The following KCNQ1 variants were observed in gnomAD, a reference collection of about 807,000 sequenced individuals.
KCNQ1 encodes the protein potassium voltage-gated channel subfamily KQT member 1.
Under a neutral mutation model 72.4 loss-of-function variants are expected in KCNQ1, and 49 were observed. That is an observed-to-expected ratio of 0.68 (90% CI 0.54 to 0.86). The LOEUF (loss-of-function observed/expected upper bound fraction) is 0.86, where lower values mean the gene tolerates loss of function less well. Among genes scored for constraint, KCNQ1 ranks in the 40% least tolerant of loss-of-function variants. KCNQ1 has a pLI of 0.00. For synonymous variants in KCNQ1, 450 were observed against 412.6 expected, an observed-to-expected ratio of 1.09 and a Z score of -1.10; for missense variants, 790 against 945.1, an observed-to-expected ratio of 0.84 and a Z score of 2.15.
Position 2,827,231 on chromosome 11 carries a change from G to A in KCNQ1, c.1795-20536G>A, listed in dbSNP as rs779596905. On this transcript the variant is annotated intron_variant, in intron 15 of 15. Transcript: ENST00000155840. This position sits in a 1 kb window ranked among gnomAD's most constrained non-coding sequence, Gnocchi z 6.7. ...CTGCTGCTGAGACAGTGACCCTGGG[G>A]ACAGCCCAAATAAGAGAGAACTTTG... Among the ~76,000 whole-genome samples the A allele has an allele frequency of 6.6e-6, 1 of 152,166 alleles. No individual in the cohort carries two copies. The highest frequency in any genetic ancestry group is 2.4e-5 in the African/African-American group (1 of 41,426).
Position 2,690,111 on chromosome 11 carries a change from AG to A in KCNQ1, c.1514+28031del. On this transcript the variant is annotated intron_variant, in intron 11 of 15. Transcript: ENST00000155840. This position sits in a 1 kb window ranked among gnomAD's most constrained non-coding sequence, Gnocchi z 5.1. Reference sequence around the variant, plus strand: ...CAGGGACAATCGCTCTTCCGGGGTTAGAACTGGGGGAGCAGGGACAAAAAGC... The same window carrying A: ...CAGGGACAATCGCTCTTCCGGGGTTAAACTGGGGGAGCAGGGACAAAAAGC... 2 of 399,008 alleles carry A rather than the reference AG, an allele frequency of 5.0e-6. No homozygotes were observed. Among genetic ancestry groups the A allele is most frequent in the Non-Finnish European group, 8.8e-6 (2 of 226,364 alleles). The allele number at this position is 399,008 out of a possible 1,614,324, so 24.7% of individuals were successfully genotyped here. A position where few individuals can be genotyped will look rare whatever the true frequency, so the allele number is the denominator to read the frequency against.
chr11:2,611,743 A>G lies in KCNQ1; in HGVS notation c.1393+22889A>G, dbSNP rs1589980856. 6 of 398,428 alleles carry G rather than the reference A, an allele frequency of 1.5e-5. No homozygotes were observed. The East Asian group carries it at 2.1e-4, about 14-fold the overall frequency. 24.7% of individuals were successfully genotyped at this position (398,428 alleles called of 1,614,324 possible). On this transcript the variant is annotated intron_variant, in intron 10 of 15. Coordinates refer to ENST00000155840, the MANE Select transcript of KCNQ1 (RefSeq NM_000218.3). The surrounding 1 kb of genome is among the most constrained non-coding windows in gnomAD (Gnocchi z 5.3). The stretch of plus-strand genomic sequence containing the variant: ...TGATATGGAAGGATTTATATCTACC[A>G]TGTTGTTATTTATTTTCTATATGTC...
At chr11:2,615,966 C>A (rs1244582246) in intron 10 of KCNQ1, 4 of 397,934 alleles carry the variant, frequency 1.0e-5, no homozygotes, top group South Asian at 1.3e-4. Context: ...TGGTATAATT[C>A]AACAGTGACG....
chr11:2,777,978 A>C lies in KCNQ1; in HGVS notation c.1735A>C (p.Lys579Gln). 1 of 1,613,846 alleles carries C rather than the reference A, an allele frequency of 6.2e-7. No homozygotes were observed. Among genetic ancestry groups the C allele is most frequent in the Non-Finnish European group, 8.5e-7 (1 of 1,180,004 alleles). The part of the protein sequence containing the change: ...KPSLFISVSE[K>Q]SKDRGSNTIG... ...TTTGGGTGTTTTATCCCCCATAGAA[A>C]AGAGCAAGGATCGCGGCAGCAACAC... is the stretch of plus-strand genomic sequence containing the variant. The change falls in exon 15 of 16, where the codon AAG becomes CAG. Residue 579 changes from lysine (K) to glutamine (Q), a missense_variant and splice_region_variant. This residue lies in a region of KCNQ1 where 91 missense variants were observed against 139.1 expected (regional missense o/e 0.65). Coordinates refer to ENST00000155840, the MANE Select transcript of KCNQ1 (RefSeq NM_000218.3).
chr11:2,829,833 G>A (rs1847905073), intron 15 of KCNQ1, among the ~76,000 whole-genome samples: 1 of 150,860 alleles, frequency 6.6e-6, no homozygotes, highest in Non-Finnish European at 1.5e-5. Flanking sequence ...AGGGAAGGCT[G>A]TTTAAAGATG....
At chr11:2,666,406 C>A in intron 11 of KCNQ1, 1 of 398,696 alleles carries the variant, frequency 2.5e-6, no homozygotes, top group Non-Finnish European at 4.4e-6. Flanking sequence ...TGAGCAAAAA[C>A]AGCCCCGTGT....
chr11:2,802,275 C>T (rs1847283875), intron 15 of KCNQ1, among the ~76,000 whole-genome samples: 1 of 152,226 alleles, frequency 6.6e-6, no homozygotes, highest in Non-Finnish European at 1.5e-5. Context: ...GCTTTGAGGG[C>T]AGCAGGACAG....
rs1302288387 is a variant in KCNQ1, at chr11:2,579,247, G to A, written c.922-4188G>A. 6.6e-6 allele frequency among the ~76,000 whole-genome samples: 1 copy of A among 152,158 alleles called. No individual in the cohort carries two copies. Among genetic ancestry groups the A allele is most frequent in the African/African-American group, 2.4e-5 (1 of 41,432 alleles). On this transcript the variant is annotated intron_variant, in intron 6 of 15. Coordinates refer to ENST00000155840, the MANE Select transcript of KCNQ1 (RefSeq NM_000218.3). The surrounding 1 kb of genome is among the most constrained non-coding windows in gnomAD (Gnocchi z 6.0). ...GGAATAGAATCCCAGTGTTTCTCAG[G>A]GAGGAACATGGGGGGACTAGAAGGC...
rs1290442034 is a variant in KCNQ1 at position 2,447,642 on chromosome 11, A to G, written c.386+2158A>G. ...CCTGCAGCCTCACGAAATCAGGTCCAGCCTTGCGCCAGTCCAGCCTTGTGT... is the reference window on the plus strand; with the variant it reads ...CCTGCAGCCTCACGAAATCAGGTCCGGCCTTGCGCCAGTCCAGCCTTGTGT... On this transcript the variant is annotated intron_variant, in intron 1 of 15. Transcript: ENST00000155840. The surrounding 1 kb of genome is among the most constrained non-coding windows in gnomAD (Gnocchi z 7.6). Among the ~76,000 whole-genome samples the G allele has an allele frequency of 3.9e-5, 6 of 152,198 alleles. No homozygotes were observed. Among genetic ancestry groups the G allele is most frequent in the Non-Finnish European group, 8.8e-5 (6 of 68,024 alleles).
intron 11 of KCNQ1, among the ~76,000 whole-genome samples, chr11:2,747,210 G>A (rs1209589595): frequency 2.0e-5 from 3 of 152,226 alleles, no homozygotes; most frequent in African/African-American, 7.2e-5. Context: ...ATGAAGAAAC[G>A]CCTTAGAAAG....
rs1185426494 is a variant in KCNQ1 at position 2,471,964 on chromosome 11, ATATG to A, written c.386+26481_386+26484del. 6.7e-6 allele frequency among the ~76,000 whole-genome samples: 1 copy of A among 149,336 alleles called. No individual in the cohort carries two copies. Among genetic ancestry groups the A allele is most frequent in the Non-Finnish European group, 1.5e-5 (1 of 67,446 alleles). On this transcript the variant is annotated intron_variant, in intron 1 of 15. Coordinates refer to ENST00000155840, the MANE Select transcript of KCNQ1 (RefSeq NM_000218.3). This position sits in a 1 kb window ranked among gnomAD's most constrained non-coding sequence, Gnocchi z 4.8. ...CGCGTGTGTAGGTGTGTGTTCATAT[ATATG>A]GGTGTGTGTGCACCTATGTGTATAA...
chr11:2,576,095 A>G (rs10832305), intron 6 of KCNQ1, among the ~76,000 whole-genome samples: 36,140 of 152,148 alleles, frequency 0.24, 5,100 homozygotes, highest in East Asian at 0.58. Context: ...TCTTGATTGA[A>G]TCTTCAAAGA....
At chr11:2,675,902 G>C (rs1850285484) in intron 11 of KCNQ1, 1 of 398,552 alleles carries the variant, frequency 2.5e-6, no homozygotes, top group Admixed American at 4.4e-5. Flanking sequence ...TTCAAGGGTT[G>C]TGCTACAAAA....
intron 10 of KCNQ1, chr11:2,632,579 AT>A (rs1849378467): frequency 2.5e-6 from 1 of 398,340 alleles, no homozygotes; most frequent in Non-Finnish European, 4.4e-6. Context: ...ATACACAGTG[AT>A]ATTGTGATAC....
chr11:2,807,155 T>C (rs539073948), intron 15 of KCNQ1, among the ~76,000 whole-genome samples: 1 of 152,380 alleles, frequency 6.6e-6, no homozygotes, highest in East Asian at 1.9e-4. Context: ...CTGCTAATTA[T>C]TCTCTTGAGG....
In KCNQ1 at chr11:2,471,853, T is replaced by C. The variant is rs1846473967; in HGVS notation, c.386+26369T>C. On this transcript the variant is annotated intron_variant, in intron 1 of 15. Transcript: ENST00000155840. The surrounding 1 kb of genome is among the most constrained non-coding windows in gnomAD (Gnocchi z 4.8). Reference sequence around the variant, plus strand: ...GCGTGTGCACCTATGTGTGTATAGGTGTGTGTGTTTATGTATGGGTGTGTG... The same window carrying C: ...GCGTGTGCACCTATGTGTGTATAGGCGTGTGTGTTTATGTATGGGTGTGTG... Among the ~76,000 whole-genome samples, 1 of 151,660 alleles carries C rather than the reference T, an allele frequency of 6.6e-6. No homozygotes were observed. The highest frequency in any genetic ancestry group is 1.5e-5 in the Non-Finnish European group (1 of 67,902).
At chr11:2,640,501 G>A (rs1241540115) in intron 10 of KCNQ1, 6 of 397,718 alleles carry the variant, frequency 1.5e-5, no homozygotes, top group Admixed American at 4.4e-5. Context: ...GCCCAGGCTG[G>A]TCTTGAATTC....
intron 1 of KCNQ1, among the ~76,000 whole-genome samples, chr11:2,472,828 G>A (rs1844811068): frequency 6.6e-6 from 1 of 152,112 alleles, no homozygotes; most frequent in Admixed American, 6.5e-5. Context: ...GCTGTGGGTG[G>A]AGGCAGATGT....
At position 2,516,578 on chromosome 11, in the gene KCNQ1, T is replaced by C. The variant is rs940314383; in HGVS notation, c.387-11350T>C. On this transcript the variant is annotated intron_variant, in intron 1 of 15. Transcript: ENST00000155840. This position sits in a 1 kb window ranked among gnomAD's most constrained non-coding sequence, Gnocchi z 7.0. The stretch of plus-strand genomic sequence containing the variant: ...ACATGCCACTGTTGGGTGCTCCTGA[T>C]TGTGTAGCGGGTCCCCTGAAACCAA... 6.6e-6 allele frequency among the ~76,000 whole-genome samples: 1 copy of C among 152,146 alleles called. No individual in the cohort carries two copies. Among genetic ancestry groups the C allele is most frequent in the African/African-American group, 2.4e-5 (1 of 41,442 alleles).
Sources: allele counts gnomAD v4.1 joint callset (sites outside exome capture counted in the v4.1 genomes callset), GRCh38; gene constraint gnomAD v4.1.1; regional missense constraint gnomAD v4.1.1; non-coding constraint Gnocchi (gnomAD v3.1); transcripts MANE v1.5; gene names NCBI Gene and HGNC (gene_info 2026-07-23, HGNC 2026-07-21).